Variants in ANKRD29 observed in about 807,000 individuals in gnomAD.
ANKRD29 encodes the protein ankyrin repeat domain 29.
A neutral mutation model predicts 38.0 loss-of-function variants in ANKRD29; 32 were observed. That is an observed-to-expected ratio of 0.84 (90% CI 0.64 to 1.13). The LOEUF is 1.13. ANKRD29 is among the 50% of genes most tolerant of loss of function. The pLI is 0.00. For synonymous variants in ANKRD29, 135 were observed against 152.4 expected, an observed-to-expected ratio of 0.89 and a Z score of 0.84; for missense variants, 357 against 377.9, an observed-to-expected ratio of 0.94 and a Z score of 0.46.
Position 23,646,291 on chromosome 18 carries a change from G to T in ANKRD29, c.133-4C>A. On this transcript the variant is annotated splice_region_variant and splice_polypyrimidine_tract_variant and intron_variant, in intron 2 of 9. Coordinates refer to ENST00000592179, the MANE Select transcript of ANKRD29 (RefSeq NM_173505.4). The stretch of plus-strand genomic sequence containing the variant: ...CCATCAGGAGTGTGGTGCCATGCTG[G>T]ATGGAGGAGAGACAGATGAAGAGTT... 1 of 1,613,276 alleles carries T rather than the reference G, an allele frequency of 6.2e-7. No homozygotes were observed. Among genetic ancestry groups the T allele is most frequent in the South Asian group, 1.1e-5 (1 of 91,068 alleles).
At chr18:23,630,983 G>GA (rs1276149890) in intron 5 of ANKRD29, among the ~76,000 whole-genome samples, 2 of 130,826 alleles carry the variant, frequency 1.5e-5, no homozygotes, top group African/African-American at 2.7e-5. Flanking sequence ...AAAAAAAAAA[G>GA]AAAAAAAAGA....
chr18:23,641,040 C>T (rs1341590441), intron 3 of ANKRD29, among the ~76,000 whole-genome samples: 1 of 152,040 alleles, frequency 6.6e-6, no homozygotes, highest in Non-Finnish European at 1.5e-5. Context: ...CAGGATCCAC[C>T]CACTTGTTTG....
chr18:23,661,960 C>A (rs1265608500), intron 1 of ANKRD29, among the ~76,000 whole-genome samples: 1 of 151,654 alleles, frequency 6.6e-6, no homozygotes, highest in Non-Finnish European at 1.5e-5. Flanking sequence ...AGTCTTAACA[C>A]CATAACTTAT....
chr18:23,634,278 G>GTTTTT lies in ANKRD29; in HGVS notation c.331-134_331-130dup, dbSNP rs71163626. ...AGATAATAACAAACTCACTTTCCCT[G>GTTTTT]TTTTTTTTTTTTTTTTTTTTTTTTT... On this transcript the variant is annotated intron_variant, in intron 4 of 9. Coordinates refer to ENST00000592179, the MANE Select transcript of ANKRD29 (RefSeq NM_173505.4). 2.2e-3 allele frequency: 827 copies of GTTTTT among 372,982 alleles called. 9 individuals are homozygous for GTTTTT. Among genetic ancestry groups the GTTTTT allele is most frequent in the Non-Finnish European group, 2.8e-3 (618 of 224,022 alleles). 23.1% of individuals were successfully genotyped at this position (372,982 alleles called of 1,614,324 possible).
chr18:23,612,400 C>G (rs2059655017), intron 8 of ANKRD29, among the ~76,000 whole-genome samples: 1 of 152,188 alleles, frequency 6.6e-6, no homozygotes, highest in African/African-American at 2.4e-5. Flanking sequence ...TGCTAATGTT[C>G]TCTTACAAGT....
chr18:23,618,325 T>C (rs946457381), intron 7 of ANKRD29, among the ~76,000 whole-genome samples: 2 of 152,166 alleles, frequency 1.3e-5, no homozygotes, highest in Non-Finnish European at 2.9e-5. Flanking sequence ...GGTGATAGAT[T>C]AAAATCTGCT....
chr18:23,634,523 C>A (rs528959055), intron 4 of ANKRD29, among the ~76,000 whole-genome samples: 47 of 152,032 alleles, frequency 3.1e-4, no homozygotes, highest in South Asian at 1.5e-3. Flanking sequence ...CTCCTGACCT[C>A]AAGTGATCTG....
chr18:23,605,845 A>T (rs564258419), intron 9 of ANKRD29, among the ~76,000 whole-genome samples: 1 of 152,250 alleles, frequency 6.6e-6, no homozygotes, highest in East Asian at 1.9e-4. Context: ...AAAATTTTAA[A>T]AAGATGTATA....
At chr18:23,642,705 C>T (rs1388701922) in intron 3 of ANKRD29, among the ~76,000 whole-genome samples, 1 of 152,226 alleles carries the variant, frequency 6.6e-6, no homozygotes, top group Non-Finnish European at 1.5e-5. Context: ...GACAGCCAAT[C>T]AGCAACAAAA....
chr18:23,649,595 T>C, intron 1 of ANKRD29: 1 of 474,792 alleles, frequency 2.1e-6, no homozygotes, highest in African/African-American at 2.0e-5. Context: ...CACCTCTAAG[T>C]GGGGCAAAAT....
intron 5 of ANKRD29, among the ~76,000 whole-genome samples, chr18:23,632,502 C>T (rs1276215424): frequency 3.7e-5 from 5 of 136,752 alleles, no homozygotes; most frequent in Non-Finnish European, 7.6e-5. Context: ...AACACTTTGG[C>T]TTTTCCTATT....
In ANKRD29 at chr18:23,600,078, A is replaced by G. The variant is rs2059494324; in HGVS notation, c.*1148T>C. On this transcript the variant is annotated 3_prime_UTR_variant, in exon 10 of 10. Coordinates refer to ENST00000592179, the MANE Select transcript of ANKRD29 (RefSeq NM_173505.4). ...TACAGAAAGAAGGTTTTATTTTTGT[A>G]TGTGCAGTTAGGCACTGACTGAGGC... 6.6e-6 allele frequency: 1 copy of G among 152,472 alleles called. No homozygotes were observed. Among genetic ancestry groups the G allele is most frequent in the Non-Finnish European group, 1.5e-5 (1 of 68,040 alleles). The allele number at this position is 152,472 out of a possible 1,614,324, so 9.4% of individuals were successfully genotyped here. A position where few individuals can be genotyped will look rare whatever the true frequency, so the allele number is the denominator to read the frequency against.
intron 4 of ANKRD29, among the ~76,000 whole-genome samples, chr18:23,634,410 C>T (rs1021126889): frequency 4.6e-5 from 7 of 151,392 alleles, no homozygotes; most frequent in African/African-American, 1.7e-4. Context: ...TTGCCTCAGC[C>T]TCCCAAGTAT....
chr18:23,613,275 C>T lies in ANKRD29; in HGVS notation c.724-1085G>A, dbSNP rs527717272. On this transcript the variant is annotated intron_variant, in intron 8 of 9. Coordinates refer to ENST00000592179, the MANE Select transcript of ANKRD29 (RefSeq NM_173505.4). ...GCAACCTCTGCCTCCAGGGCTCAAA[C>T]GATTCTCGTGCCTCAGCCTCCTGAG... 3.4e-4 allele frequency among the ~76,000 whole-genome samples: 51 copies of T among 148,370 alleles called. No homozygotes were observed. In the South Asian group the frequency reaches 9.2e-3, roughly 27 times the overall value.
chr18:23,632,216 C>T (rs1479737152), intron 5 of ANKRD29, among the ~76,000 whole-genome samples: 1 of 152,148 alleles, frequency 6.6e-6, no homozygotes, highest in African/African-American at 2.4e-5. Flanking sequence ...TGAAAACTCT[C>T]AGCAATTTTC....
intron 3 of ANKRD29, among the ~76,000 whole-genome samples, chr18:23,639,689 C>A (rs1426817505): frequency 6.6e-6 from 1 of 152,088 alleles, no homozygotes; most frequent in South Asian, 2.1e-4. Flanking sequence ...GCGTGCACCC[C>A]CACATCTGGC....
intron 1 of ANKRD29, among the ~76,000 whole-genome samples, chr18:23,662,458 C>G (rs1035183291): frequency 2.6e-5 from 4 of 152,200 alleles, no homozygotes; most frequent in African/African-American, 9.7e-5. Context: ...CGGGCACAGA[C>G]TCAGCCGATC....
chr18:23,631,899 G>A (rs2059937574), intron 5 of ANKRD29, among the ~76,000 whole-genome samples: 1 of 152,188 alleles, frequency 6.6e-6, no homozygotes, highest in Non-Finnish European at 1.5e-5. Context: ...CGCAGGGTGA[G>A]CTTCATTGTT....
rs1281414761 is a variant in ANKRD29, at chr18:23,662,897, C to A, written c.-167G>T. On this transcript the variant is annotated 5_prime_UTR_variant, in exon 1 of 10. Coordinates refer to ENST00000592179, the MANE Select transcript of ANKRD29 (RefSeq NM_173505.4). ...AGCAGCCGCCGCACACAGGGCCGGG[C>A]CGAAGGGGCGGCGCGGGGGCGCGCG... The A allele has an allele frequency of 1.5e-5, 7 of 459,076 alleles. No individual in the cohort carries two copies. Among genetic ancestry groups the A allele is most frequent in the Non-Finnish European group, 2.0e-5 (7 of 347,696 alleles). The allele number at this position is 459,076 out of a possible 1,614,324, so 28.4% of individuals were successfully genotyped here.
Sources: allele counts gnomAD v4.1 joint callset (sites outside exome capture counted in the v4.1 genomes callset), GRCh38; gene constraint gnomAD v4.1.1; transcripts MANE v1.5; gene names NCBI Gene and HGNC (gene_info 2026-07-23, HGNC 2026-07-21).